KCNK13: variants seen among roughly 807,000 people sequenced by gnomAD.
KCNK13 encodes potassium two pore domain channel subfamily K member 13.
KCNK13 carries 12 observed loss-of-function variants against 23.4 expected under a neutral mutation model. The observed-to-expected ratio is 0.51, with a 90% CI of 0.33 to 0.83. The LOEUF is 0.83. Ranked by LOEUF, KCNK13 falls within the 40% of genes least tolerant of loss-of-function variation. The pLI is 0.02. For synonymous variants in KCNK13, 231 were observed against 229.5 expected, an observed-to-expected ratio of 1.01 and a Z score of -0.06; for missense variants, 463 against 556.3, an observed-to-expected ratio of 0.83 and a Z score of 1.69.
At chr14:90,151,275 G>A (rs932303799) in intron 1 of KCNK13, among the ~76,000 whole-genome samples, 8 of 152,186 alleles carry the variant, frequency 5.3e-5, no homozygotes, top group Non-Finnish European at 1.2e-4. Context: ...CAGTGTACAA[G>A]AGTTGTCTTT....
intron 1 of KCNK13, among the ~76,000 whole-genome samples, chr14:90,169,672 C>T (rs1000000373): frequency 1.1e-4 from 17 of 152,136 alleles, no homozygotes; most frequent in Admixed American, 3.3e-4. Context: ...AGTACAGATG[C>T]CCCCTGGACC....
chr14:90,099,201 A>G (rs1889446860), intron 1 of KCNK13, among the ~76,000 whole-genome samples: 1 of 152,202 alleles, frequency 6.6e-6, no homozygotes, highest in Non-Finnish European at 1.5e-5. Flanking sequence ...ATATTTTTAA[A>G]TATGTTAGTC....
chr14:90,094,638 T>G (rs1414701484), intron 1 of KCNK13, among the ~76,000 whole-genome samples: 2 of 143,316 alleles, frequency 1.4e-5, no homozygotes, highest in African/African-American at 5.5e-5. Flanking sequence ...GGACTTTTCT[T>G]TTTTTTCTTT....
At chr14:90,086,555 GT>G (rs1178544871) in intron 1 of KCNK13, among the ~76,000 whole-genome samples, 1 of 152,162 alleles carries the variant, frequency 6.6e-6, no homozygotes, top group African/African-American at 2.4e-5. Context: ...ATGTTTTTGT[GT>G]TTTATTTGAT....
At chr14:90,143,332 C>T (rs1566644861) in intron 1 of KCNK13, among the ~76,000 whole-genome samples, 1 of 151,784 alleles carries the variant, frequency 6.6e-6, no homozygotes. Context: ...CTCAGCCTCC[C>T]AAAGTGCTGG....
At chr14:90,174,587 C>T (rs1890402288) in intron 1 of KCNK13, among the ~76,000 whole-genome samples, 2 of 152,282 alleles carry the variant, frequency 1.3e-5, no homozygotes, top group South Asian at 4.1e-4. Context: ...CATGGTGGCT[C>T]ACACCTGTAA....
At chr14:90,128,839 G>A (rs17260639) in intron 1 of KCNK13, among the ~76,000 whole-genome samples, 41,500 of 152,006 alleles carry the variant, frequency 0.27, 6,827 homozygotes, top group East Asian at 0.58. Flanking sequence ...AGAAGAATAC[G>A]TGTAACATAA....
intron 1 of KCNK13, among the ~76,000 whole-genome samples, chr14:90,125,027 G>A (rs1334268951): frequency 3.3e-5 from 5 of 152,096 alleles, no homozygotes; most frequent in African/African-American, 4.8e-5. Flanking sequence ...CTTTTTGATG[G>A]AAGTTCCAGC....
intron 1 of KCNK13, among the ~76,000 whole-genome samples, chr14:90,084,402 A>C (rs1387906972): frequency 3.3e-5 from 5 of 152,234 alleles, no homozygotes; most frequent in African/African-American, 1.2e-4. Flanking sequence ...ATCCTATTGC[A>C]AATGAAATGG....
intron 1 of KCNK13, among the ~76,000 whole-genome samples, chr14:90,148,879 T>C (rs1485338987): frequency 2.0e-5 from 3 of 152,170 alleles, no homozygotes; most frequent in African/African-American, 7.2e-5. Context: ...CCCAGTCAAA[T>C]ACAGGAGGTC....
intron 1 of KCNK13, among the ~76,000 whole-genome samples, chr14:90,131,986 C>T (rs76180922): frequency 0.063 from 9,585 of 152,270 alleles, 399 homozygotes; most frequent in South Asian, 0.21. Flanking sequence ...CATCCATGTT[C>T]ACAGCAGCAT....
intron 1 of KCNK13, among the ~76,000 whole-genome samples, chr14:90,106,793 G>A (rs1351810807): frequency 2.0e-5 from 3 of 151,904 alleles, no homozygotes; most frequent in African/African-American, 7.3e-5. Flanking sequence ...AGGCCAAGGT[G>A]CATGGATTGT....
chr14:90,097,147 A>G (rs573504184), intron 1 of KCNK13, among the ~76,000 whole-genome samples: 4 of 152,244 alleles, frequency 2.6e-5, no homozygotes, highest in African/African-American at 9.6e-5. Context: ...CCTCTGCCCA[A>G]TAGAACCAGC....
At chr14:90,099,082 A>G (rs921984863) in intron 1 of KCNK13, among the ~76,000 whole-genome samples, 9 of 148,220 alleles carry the variant, frequency 6.1e-5, no homozygotes, top group Admixed American at 3.5e-4. Flanking sequence ...CTCTATAAAA[A>G]AATTTTTAAA....
chr14:90,128,961 C>T (rs773594459), intron 1 of KCNK13, among the ~76,000 whole-genome samples: 2 of 152,284 alleles, frequency 1.3e-5, no homozygotes, highest in East Asian at 1.9e-4. Context: ...CCTCCCCGCC[C>T]CCTAAGAGGG....
At chr14:90,136,163 A>C (rs1889934571) in intron 1 of KCNK13, among the ~76,000 whole-genome samples, 1 of 152,118 alleles carries the variant, frequency 6.6e-6, no homozygotes, top group Non-Finnish European at 1.5e-5. Flanking sequence ...GACAAGCAGA[A>C]GGCTGAACGT....
At position 90,161,486 on chromosome 14, in the gene KCNK13, A is replaced by G. The variant is rs543953374; in HGVS notation, c.335-22625A>G. ...CTATAAAAATCAATAATAAGAAAAC[A>G]ACCAAAAATATGTATGGTGGGAGAA... On this transcript the variant is annotated intron_variant, in intron 1 of 1. Transcript: ENST00000282146. Among the ~76,000 whole-genome samples, 24 of 152,324 alleles carry G rather than the reference A, an allele frequency of 1.6e-4. No homozygotes were observed. The South Asian group carries it at 4.8e-3, about 30-fold the overall frequency.
chr14:90,159,287 T>G (rs543395818), intron 1 of KCNK13, among the ~76,000 whole-genome samples: 1 of 152,280 alleles, frequency 6.6e-6, no homozygotes, highest in African/African-American at 2.4e-5. Flanking sequence ...CCAACACATG[T>G]TTTTCCAGAG....
intron 1 of KCNK13, among the ~76,000 whole-genome samples, chr14:90,095,722 A>G (rs10133163): frequency 0.26 from 39,976 of 151,816 alleles, 5,905 homozygotes; most frequent in South Asian, 0.4. Flanking sequence ...GCAAGCCAGC[A>G]TCCTCTGCAG....
Sources: allele counts gnomAD v4.1 joint callset (sites outside exome capture counted in the v4.1 genomes callset), GRCh38; gene constraint gnomAD v4.1.1; transcripts MANE v1.5; gene names NCBI Gene and HGNC (gene_info 2026-07-23, HGNC 2026-07-21).